Variants in TOX observed in about 807,000 individuals in gnomAD.
TOX encodes the protein thymocyte selection-associated high mobility group box protein TOX.
In TOX, 11 loss-of-function variants were observed where a neutral mutation model predicts 53.7. That is an observed-to-expected ratio of 0.20 (90% confidence interval 0.13 to 0.34). The LOEUF is 0.34. Among genes scored for constraint, TOX ranks in the 10% least tolerant of loss-of-function variants. The pLI, the probability that TOX is intolerant of heterozygous loss-of-function variation, is 1.00. For missense variants in TOX, 570 were observed against 664.6 expected (o/e 0.86, Z 1.56); for synonymous variants, 225 against 245.3 (o/e 0.92, Z 0.77).
rs997660348 is a variant in TOX, at chr8:58,910,321, A to G, written c.411+28981T>C. On this transcript the variant is annotated intron_variant, in intron 3 of 8. Coordinates refer to ENST00000361421, the MANE Select transcript of TOX (RefSeq NM_014729.3). ...TCCGCATTTTTTTTTAAACCAATGA[A>G]TCTTGAAAGTTCAACCATTGTCAGG... 3.2e-4 allele frequency among the ~76,000 whole-genome samples: 49 copies of G among 152,292 alleles called. 1 individual carries two copies. The highest frequency in any genetic ancestry group is 4.4e-5 in the Non-Finnish European group (3 of 68,020).
chr8:58,874,043 C>A (rs978434687), intron 3 of TOX, among the ~76,000 whole-genome samples: 5 of 128,768 alleles, frequency 3.9e-5, no homozygotes, highest in Non-Finnish European at 3.1e-5. Context: ...GGAGCTGGGT[C>A]CTATCATTAA....
At chr8:59,064,719 A>G (rs1312775624) in intron 1 of TOX, among the ~76,000 whole-genome samples, 1 of 152,186 alleles carries the variant, frequency 6.6e-6, no homozygotes, top group Non-Finnish European at 1.5e-5. Context: ...TGGGGGCAAA[A>G]TTGTACCTTA....
intron 7 of TOX, among the ~76,000 whole-genome samples, chr8:58,810,066 G>C (rs1291294326): frequency 1.3e-5 from 2 of 152,112 alleles, no homozygotes; most frequent in East Asian, 3.9e-4. Context: ...GCTCACTGCA[G>C]CCTCAAACTC....
At chr8:58,960,150 G>T in intron 1 of TOX, 142 bp from the exon 2 acceptor site, 1 of 838,018 alleles carries the variant, frequency 1.2e-6, no homozygotes, top group Non-Finnish European at 1.9e-6. Context: ...TGGAAAATCT[G>T]TCACAGCAAG....
intron 3 of TOX, among the ~76,000 whole-genome samples, chr8:58,860,982 T>A (rs1228696528): frequency 1.3e-5 from 2 of 152,224 alleles, no homozygotes; most frequent in Admixed American, 6.5e-5. Flanking sequence ...GTTGGAAAGA[T>A]GTTTTTTACT....
At chr8:58,920,746 G>GAAAAA (rs1164471853) in intron 3 of TOX, among the ~76,000 whole-genome samples, 4 of 43,210 alleles carry the variant, frequency 9.3e-5, no homozygotes, top group Non-Finnish European at 2.1e-4. Flanking sequence ...AGAAAAAAAA[G>GAAAAA]AAGAAAAAAA....
chr8:58,922,083 C>A (rs1224956783), intron 3 of TOX, among the ~76,000 whole-genome samples: 2 of 152,294 alleles, frequency 1.3e-5, no homozygotes, highest in East Asian at 3.9e-4. Flanking sequence ...GAGCTGAGAA[C>A]AATAGCTGTT....
At chr8:59,091,651 A>G (rs1236358793) in intron 1 of TOX, among the ~76,000 whole-genome samples, 1 of 152,200 alleles carries the variant, frequency 6.6e-6, no homozygotes, top group Non-Finnish European at 1.5e-5. Flanking sequence ...TAATACACAG[A>G]GCCCTCAGTG....
At chr8:59,030,590 T>C (rs1814336141) in intron 1 of TOX, among the ~76,000 whole-genome samples, 1 of 152,202 alleles carries the variant, frequency 6.6e-6, no homozygotes, top group African/African-American at 2.4e-5. Flanking sequence ...AAGTGTTCCA[T>C]CTGCTTCCAG....
chr8:58,994,555 A>G (rs1813524139), intron 1 of TOX, among the ~76,000 whole-genome samples: 1 of 152,122 alleles, frequency 6.6e-6, no homozygotes, highest in Non-Finnish European at 1.5e-5. Context: ...AATGACTGGT[A>G]ATTTCCTAAT....
At chr8:58,973,414 T>C (rs1813035421) in intron 1 of TOX, among the ~76,000 whole-genome samples, 1 of 152,244 alleles carries the variant, frequency 6.6e-6, no homozygotes, top group Admixed American at 6.5e-5. Context: ...TTTCACACTA[T>C]CAGATGACTG....
Position 58,899,404 on chromosome 8 carries a change from A to G in TOX, c.411+39898T>C, listed in dbSNP as rs553395344. On this transcript the variant is annotated intron_variant, in intron 3 of 8. Transcript: ENST00000361421. ...AAAGATATAAATTCTCTCTCTTTTG[A>G]TAAGTGCTTTGAGACTTGCTCAAGC... Among the ~76,000 whole-genome samples, 7 of 152,332 alleles carry G rather than the reference A, an allele frequency of 4.6e-5. 1 individual carries two copies. The East Asian group carries it at 1.3e-3, about 29-fold the overall frequency.
intron 3 of TOX, among the ~76,000 whole-genome samples, chr8:58,886,198 C>T (rs1811465077): frequency 6.6e-6 from 1 of 152,114 alleles, no homozygotes; most frequent in Non-Finnish European, 1.5e-5. Context: ...ATAGCCTTCA[C>T]TGAGAAGAAT....
intron 1 of TOX, among the ~76,000 whole-genome samples, chr8:59,107,695 CTCTGATAT>C (rs1563448887): frequency 6.6e-6 from 1 of 152,136 alleles, no homozygotes; most frequent in Non-Finnish European, 1.5e-5. Flanking sequence ...CAGTGGGTGA[CTCTGATAT>C]TCTGATATTC....
intron 1 of TOX, among the ~76,000 whole-genome samples, chr8:59,007,789 G>A (rs1375384126): frequency 6.6e-6 from 1 of 152,174 alleles, no homozygotes; most frequent in African/African-American, 2.4e-5. Flanking sequence ...ATTCTCTAGA[G>A]ATATTAAACT....
chr8:58,991,686 T>C (rs1293506493), intron 1 of TOX: 1 of 152,232 alleles, frequency 6.6e-6, no homozygotes, highest in East Asian at 1.9e-4. Flanking sequence ...CTTGTGACTT[T>C]AAAAATGGTT....
At position 58,805,500 on chromosome 8, in the gene TOX, C is replaced by T. The variant is rs1352487707; in HGVS notation, c.*2247G>A. ...CTGTATTTGGTATTGAATTTCAACA[C>T]TCTCTACCCTGGTCGCACAGCTGCT... On this transcript the variant is annotated 3_prime_UTR_variant, in exon 9 of 9. Transcript: ENST00000361421. The T allele has an allele frequency of 6.6e-6, 1 of 152,592 alleles. No homozygotes were observed. The highest frequency in any genetic ancestry group is 1.5e-5 in the Non-Finnish European group (1 of 68,038). 9.5% of individuals were successfully genotyped at this position (152,592 alleles called of 1,614,324 possible).
chr8:58,951,274 A>G (rs1279012686), intron 2 of TOX, among the ~76,000 whole-genome samples: 4 of 152,164 alleles, frequency 2.6e-5, no homozygotes, highest in African/African-American at 4.8e-5. Context: ...TCAAATGAAA[A>G]AATAAGTGCA....
At chr8:58,871,172 CAAAA>C (rs36036067) in intron 3 of TOX, among the ~76,000 whole-genome samples, 13 of 70,448 alleles carry the variant, frequency 1.8e-4, no homozygotes, top group Admixed American at 1.8e-3. Context: ...AGAAGCCAGT[CAAAA>C]AAAAAAAAAA....
Sources: allele counts gnomAD v4.1 joint callset (sites outside exome capture counted in the v4.1 genomes callset), GRCh38; gene constraint gnomAD v4.1.1; transcripts MANE v1.5; gene names NCBI Gene and HGNC (gene_info 2026-07-23, HGNC 2026-07-21).